C3orf33: variants seen among roughly 807,000 people sequenced by gnomAD.
C3orf33 encodes AP-1 activity suppressor.
Under a neutral mutation model 28.7 loss-of-function variants are expected in C3orf33, and 23 were observed. The observed-to-expected ratio is 0.80, with a 90% CI of 0.58 to 1.13. The LOEUF is 1.13. Among genes scored for constraint, C3orf33 ranks in the 50% most tolerant of loss-of-function variants. The pLI, the probability that C3orf33 is intolerant of heterozygous loss-of-function variation, is 0.00. For synonymous variants in C3orf33, 119 were observed against 120.5 expected (o/e 0.99, Z 0.08); for missense variants, 327 against 353.4 (o/e 0.93, Z 0.60).
intron 3 of C3orf33, among the ~76,000 whole-genome samples, 173 bp from the exon 4 acceptor site, chr3:155,767,842 C>T (rs1219558049): frequency 5.9e-5 from 9 of 152,124 alleles, no homozygotes; most frequent in Non-Finnish European, 1.3e-4. Context: ...TAAAACAATA[C>T]AAGTATATAT....
intron 2 of C3orf33, among the ~76,000 whole-genome samples, chr3:155,795,402 G>A (rs1461228896): frequency 6.6e-6 from 1 of 152,068 alleles, no homozygotes; most frequent in Non-Finnish European, 1.5e-5. Context: ...GTTGGAGTGA[G>A]CCGAGAGCGT....
At chr3:155,786,900 G>A (rs995752840) in intron 2 of C3orf33, among the ~76,000 whole-genome samples, 2 of 152,080 alleles carry the variant, frequency 1.3e-5, no homozygotes, top group Non-Finnish European at 2.9e-5. Flanking sequence ...AATCCAAGTA[G>A]AACTAAAACT....
intron 2 of C3orf33, among the ~76,000 whole-genome samples, chr3:155,797,315 A>G (rs1258892344): frequency 6.6e-6 from 1 of 152,204 alleles, no homozygotes; most frequent in Non-Finnish European, 1.5e-5. Context: ...CAACACAATA[A>G]AAGCCATACA....
At chr3:155,770,502 T>C (rs983903941) in intron 3 of C3orf33, among the ~76,000 whole-genome samples, 2 of 152,216 alleles carry the variant, frequency 1.3e-5, no homozygotes, top group African/African-American at 4.8e-5. Context: ...AATGAAACAC[T>C]ATCAACCTAA....
intron 2 of C3orf33, among the ~76,000 whole-genome samples, chr3:155,788,806 T>C (rs1751225179): frequency 6.6e-6 from 1 of 151,930 alleles, no homozygotes; most frequent in Non-Finnish European, 1.5e-5. Context: ...TTCAACAGAG[T>C]ACTACTGGAT....
chr3:155,785,864 C>T (rs1008904932), intron 2 of C3orf33, among the ~76,000 whole-genome samples: 1 of 152,052 alleles, frequency 6.6e-6, no homozygotes, highest in Admixed American at 6.6e-5. Context: ...CATGCCAAAA[C>T]CCTGTCTACT....
At chr3:155,781,937 G>C (rs1488923167) in intron 2 of C3orf33, among the ~76,000 whole-genome samples, 1 of 151,688 alleles carries the variant, frequency 6.6e-6, no homozygotes, top group African/African-American at 2.4e-5. Context: ...TTAGCCGGGT[G>C]TGGTGGCATG....
chr3:155,763,809 T>C lies in C3orf33; in HGVS notation c.593A>G (p.His198Arg). The part of the protein sequence containing the change: ...KYDSKIYWTV[H>R]RNLLKAELTA... ...TAATTCAGCTTTAAGTAAGTTTCTG[T>C]GAACTGTCCAGTAGATTTTAGAATC... The change falls in exon 5 of 5, where the codon CAC becomes CGC. Residue 198 changes from histidine (H) to arginine (R), a missense_variant. Transcript: ENST00000340171. 1.2e-6 allele frequency: 2 copies of C among 1,604,180 alleles called. No individual in the cohort carries two copies. The highest frequency in any genetic ancestry group is 1.3e-5 in the African/African-American group (1 of 74,708).
In C3orf33 at chr3:155,767,508, C is replaced by G. The variant is rs1249410001; in HGVS notation, c.483+1G>C. The G allele has an allele frequency of 6.5e-7, 1 of 1,539,072 alleles. No homozygotes were observed. Among genetic ancestry groups the G allele is most frequent in the African/African-American group, 1.4e-5 (1 of 73,068 alleles). Reference sequence around the variant, plus strand: ...GCTAGTTATTTCTTCACATTGCTTACCTTACTCACCAGAAGATAGCAAAAG... The same window carrying G: ...GCTAGTTATTTCTTCACATTGCTTAGCTTACTCACCAGAAGATAGCAAAAG... On this transcript the variant is annotated splice_donor_variant, in intron 4 of 4. Coordinates refer to ENST00000340171, the MANE Select transcript of C3orf33 (RefSeq NM_001308229.2). LOFTEE classifies it high-confidence loss of function.
intron 1 of C3orf33, among the ~76,000 whole-genome samples, chr3:155,805,041 C>CCT: frequency 1.3e-5 from 2 of 152,212 alleles, no homozygotes; most frequent in South Asian, 4.1e-4. Flanking sequence ...TTTCTTTGTA[C>CCT]CTCACACCCA....
intron 2 of C3orf33, among the ~76,000 whole-genome samples, chr3:155,786,619 G>A (rs186412497): frequency 1.6e-3 from 248 of 152,248 alleles, no homozygotes; most frequent in Non-Finnish European, 3.1e-3. Flanking sequence ...CTGAGGTCAG[G>A]AGTTTGAGAC....
intron 2 of C3orf33, among the ~76,000 whole-genome samples, chr3:155,801,577 G>A (rs539514501): frequency 9.6e-4 from 146 of 151,824 alleles, no homozygotes; most frequent in Admixed American, 2.5e-3. Context: ...GCAACAACAT[G>A]GATGAATCTT....
At position 155,781,768 on chromosome 3, in the gene C3orf33, C is replaced by CAAA. The variant is rs36059033; in HGVS notation, c.175-5923_175-5921dup. The stretch of plus-strand genomic sequence containing the variant: ...TGGGTGACAGAGTGAGACTCTATCT[C>CAAA]AAAAAAAAAAAAAAAAAAAAAATAG... On this transcript the variant is annotated intron_variant, in intron 2 of 4. Coordinates refer to ENST00000340171, the MANE Select transcript of C3orf33 (RefSeq NM_001308229.2). Among the ~76,000 whole-genome samples the CAAA allele has an allele frequency of 4.2e-3, 274 of 64,508 alleles. 2 individuals are homozygous for CAAA. The highest frequency in any genetic ancestry group is 7.0e-3 in the Non-Finnish European group (243 of 34,530). The allele number at this position is 64,508 out of a possible 152,430, so 42.3% of individuals were successfully genotyped here.
At position 155,763,423 on chromosome 3, in the gene C3orf33, T is replaced by G. The variant is rs1750295185; in HGVS notation, c.*94A>C. ...ACCATTGGACTAACACTTTGATCAT[T>G]TGGCAAAACTTCCATTTTGATTCAA... On this transcript the variant is annotated 3_prime_UTR_variant, in exon 5 of 5. Transcript: ENST00000340171. 1.1e-6 allele frequency: 1 copy of G among 901,482 alleles called. No individual in the cohort carries two copies. Among genetic ancestry groups the G allele is most frequent in the African/African-American group, 1.7e-5 (1 of 57,730 alleles). 55.8% of individuals were successfully genotyped at this position (901,482 alleles called of 1,614,324 possible).
intron 4 of C3orf33, among the ~76,000 whole-genome samples, chr3:155,767,007 C>G (rs1267690009): frequency 6.6e-6 from 1 of 151,814 alleles, no homozygotes; most frequent in Non-Finnish European, 1.5e-5. Context: ...TGAATCCCAG[C>G]ACTTTGGGAG....
chr3:155,781,478 A>C (rs1750920950), intron 2 of C3orf33, among the ~76,000 whole-genome samples: 1 of 152,114 alleles, frequency 6.6e-6, no homozygotes, highest in African/African-American at 2.4e-5. Flanking sequence ...ACTTAAAAAT[A>C]GTGGGCCAGG....
At chr3:155,796,153 G>T (rs1751470560) in intron 2 of C3orf33, among the ~76,000 whole-genome samples, 1 of 151,960 alleles carries the variant, frequency 6.6e-6, no homozygotes, top group African/African-American at 2.4e-5. Context: ...AAATAATAAA[G>T]ATTGGAGCAA....
chr3:155,768,055 T>A (rs549638460), intron 3 of C3orf33, among the ~76,000 whole-genome samples: 2 of 152,060 alleles, frequency 1.3e-5, no homozygotes, highest in South Asian at 4.1e-4. Flanking sequence ...GATTGTTGCA[T>A]TTTTAGTAGA....
chr3:155,776,705 A>G (rs2109259151), intron 2 of C3orf33, among the ~76,000 whole-genome samples: 1 of 149,230 alleles, frequency 6.7e-6, no homozygotes, highest in Middle Eastern at 3.4e-3. Context: ...ACAGTGAGCC[A>G]TAATAGCACC....
Sources: gnomAD v4.1 joint callset for allele counts (sites outside exome capture counted in the v4.1 genomes callset) on GRCh38, gnomAD v4.1.1 for gene constraint, MANE v1.5 for transcripts, NCBI Gene and HGNC (gene_info 2026-07-23, HGNC 2026-07-21) for gene names.